Variants in ATRN observed in about 807,000 individuals in gnomAD.
The protein encoded by ATRN is attractin-2.
A neutral mutation model predicts 178.7 loss-of-function variants in ATRN; 54 were observed. That is an observed-to-expected ratio of 0.30 (90% CI 0.24 to 0.38). The LOEUF (loss-of-function observed/expected upper bound fraction) is 0.38, where lower values mean the gene tolerates loss of function less well. Among genes scored for constraint, ATRN ranks in the 10% least tolerant of loss-of-function variants. ATRN has a pLI of 1.00. For synonymous variants in ATRN, 636 were observed against 663.0 expected (o/e 0.96, Z 0.63); for missense variants, 1,443 against 1,815.1 (o/e 0.79, Z 3.73).
chr20:3,481,245 A>G (rs1354696870), intron 1 of ATRN, among the ~76,000 whole-genome samples: 2 of 151,940 alleles, frequency 1.3e-5, no homozygotes, highest in Middle Eastern at 3.4e-3. Flanking sequence ...TTTATGTCAT[A>G]TCTCTTTAAC....
chr20:3,487,573 G>A (rs1045301841), intron 1 of ATRN, among the ~76,000 whole-genome samples: 2 of 152,138 alleles, frequency 1.3e-5, no homozygotes, highest in African/African-American at 2.4e-5. Flanking sequence ...TTAGTTTGCT[G>A]ATTTTTGTTC....
intron 1 of ATRN, among the ~76,000 whole-genome samples, chr20:3,485,649 T>G (rs2084682949): frequency 7.7e-6 from 1 of 130,624 alleles, no homozygotes; most frequent in African/African-American, 2.8e-5. Flanking sequence ...TGAGTTGGAG[T>G]CTTGCCCTGT....
In ATRN at chr20:3,561,047, G is replaced by T. The variant is rs184192446; in HGVS notation, c.1447+142G>T. The T allele has an allele frequency of 4.3e-5, 48 of 1,128,376 alleles. No individual in the cohort carries two copies. The Middle Eastern group carries it at 7.0e-3, about 163-fold the overall frequency. 69.9% of individuals were successfully genotyped at this position (1,128,376 alleles called of 1,614,324 possible). ...AACATAGTAAACACTGGGCCCAGGC[G>T]TGGTGGCCCACTCCTGTAATCCCAG... On this transcript the variant is annotated intron_variant, in intron 8 of 28. Coordinates refer to ENST00000262919, the MANE Select transcript of ATRN (RefSeq NM_139321.3).
intron 1 of ATRN, among the ~76,000 whole-genome samples, chr20:3,505,203 A>T (rs2085025000): frequency 6.6e-6 from 1 of 152,200 alleles, no homozygotes; most frequent in Non-Finnish European, 1.5e-5. Context: ...GCGTAGATAG[A>T]ACAAAAAGGC....
intron 3 of ATRN, among the ~76,000 whole-genome samples, chr20:3,542,751 C>T (rs2146194142): frequency 6.6e-6 from 1 of 151,850 alleles, no homozygotes; most frequent in South Asian, 2.1e-4. Flanking sequence ...CTCAGCCTCC[C>T]CAGTAGCTGG....
chr20:3,570,110 TC>T (rs2086099155), intron 11 of ATRN, among the ~76,000 whole-genome samples: 1 of 149,218 alleles, frequency 6.7e-6, no homozygotes, highest in African/African-American at 2.5e-5. Context: ...TCTCTCAGTG[TC>T]CATTCAGTGT....
Position 3,560,728 on chromosome 20 carries a change from T to C in ATRN, c.1270T>C (p.Phe424Leu), listed in dbSNP as rs762308546. The C allele has an allele frequency of 2.9e-5, 46 of 1,613,874 alleles. 1 individual carries two copies. Among genetic ancestry groups the C allele is most frequent in the East Asian group, 1.6e-4 (7 of 44,888 alleles). The change falls in exon 8 of 29, where the codon TTT (phenylalanine) becomes CTT (leucine). Residue 424 changes from phenylalanine (F) to leucine (L), a missense_variant. Physicochemically the swap from Phe to Leu is conservative, Grantham distance 22. Coordinates refer to ENST00000262919, the MANE Select transcript of ATRN (RefSeq NM_139321.3). ...GAATGTGACCAATGAGTTGAGAGTT[T>C]TTCACATTCATAATGAGTCATGGGT... ...TGNVTNELRV[F>L]HIHNESWVLL...
chr20:3,549,046 G>C, intron 5 of ATRN, 124 bp from the exon 6 acceptor site: 1 of 805,914 alleles, frequency 1.2e-6, no homozygotes, highest in East Asian at 3.1e-5. Flanking sequence ...GGATTTGTCT[G>C]ATATTTAAAT....
intron 1 of ATRN, chr20:3,490,210 T>G: frequency 1.3e-6 from 2 of 1,522,476 alleles, no homozygotes; most frequent in East Asian, 2.3e-5. Flanking sequence ...ATTTCAAGCC[T>G]AAAGCTAAGA....
At chr20:3,625,136 G>A (rs1258865985) in intron 25 of ATRN, among the ~76,000 whole-genome samples, 2 of 152,104 alleles carry the variant, frequency 1.3e-5, no homozygotes, top group Non-Finnish European at 1.5e-5. Flanking sequence ...CCTGCCTTGC[G>A]CCTTCCCCAC....
chr20:3,560,635 A>G (rs1253476410), intron 7 of ATRN, 27 bp from the exon 8 acceptor site: 1 of 1,546,922 alleles, frequency 6.5e-7, no homozygotes, highest in South Asian at 1.1e-5. Flanking sequence ...AATGTTTTTA[A>G]AAATTTTGTT....
At chr20:3,487,477 C>T (rs967804917) in intron 1 of ATRN, among the ~76,000 whole-genome samples, 11 of 152,136 alleles carry the variant, frequency 7.2e-5, no homozygotes, top group South Asian at 4.1e-4. Context: ...GTGATCCACC[C>T]GCGTTGGCCT....
In ATRN at chr20:3,597,071, T is replaced by TATATATATATAA. The variant is rs11087589; in HGVS notation, c.3469+645_3469+646insTATATATAAATA. ...GTGAATATGACTTCATATATATATA[T>TATATATATATAA]ATAAAACTTCTAAAAGAAAACAAGA... On this transcript the variant is annotated intron_variant, in intron 21 of 28. Coordinates refer to ENST00000262919, the MANE Select transcript of ATRN (RefSeq NM_139321.3). 2.6e-3 allele frequency among the ~76,000 whole-genome samples: 348 copies of TATATATATATAA among 134,032 alleles called. 4 individuals are homozygous for TATATATATATAA. The highest frequency in any genetic ancestry group is 3.9e-3 in the Non-Finnish European group (252 of 64,582). 87.9% of individuals were successfully genotyped at this position (134,032 alleles called of 152,430 possible).
chr20:3,493,554 C>A (rs1167194976), intron 1 of ATRN, among the ~76,000 whole-genome samples: 1 of 152,052 alleles, frequency 6.6e-6, no homozygotes, highest in East Asian at 1.9e-4. Flanking sequence ...CTCAGCCTCC[C>A]AAAGTGCTGG....
chr20:3,582,436 G>A, intron 16 of ATRN, 82 bp downstream of exon 16: 1 of 1,266,298 alleles, frequency 7.9e-7, no homozygotes, highest in South Asian at 1.2e-5. Flanking sequence ...GCTGAGATGT[G>A]TGAAGTAGTC....
chr20:3,605,890 T>G (rs1415042454), intron 24 of ATRN, among the ~76,000 whole-genome samples: 1 of 152,188 alleles, frequency 6.6e-6, no homozygotes, highest in African/African-American at 2.4e-5. Context: ...CCTGCACATG[T>G]ACCCCTGAAC....
chr20:3,629,388 C>T, intron 25 of ATRN: 1 of 794,598 alleles, frequency 1.3e-6, no homozygotes, highest in Non-Finnish European at 1.5e-6. Context: ...AAAGCACAAG[C>T]TCTTTCCCTA....
intron 2 of ATRN, among the ~76,000 whole-genome samples, chr20:3,537,894 C>CT (rs1555813278): frequency 2.1e-5 from 3 of 144,644 alleles, no homozygotes; most frequent in African/African-American, 5.1e-5. Flanking sequence ...GCCTCATTTT[C>CT]TTTATTTTAT....
intron 1 of ATRN, among the ~76,000 whole-genome samples, chr20:3,530,581 G>A (rs990906487): frequency 1.3e-5 from 2 of 151,798 alleles, no homozygotes; most frequent in Non-Finnish European, 2.9e-5. Context: ...CGCCTGGCCA[G>A]GATTTCAGTA....
Sources: gnomAD v4.1 joint callset for allele counts (sites outside exome capture counted in the v4.1 genomes callset) on GRCh38, gnomAD v4.1.1 for gene constraint, MANE v1.5 for transcripts, NCBI Gene and HGNC (gene_info 2026-07-23, HGNC 2026-07-21) for gene names.